The following VSTM4 variants were observed in gnomAD, a reference collection of about 807,000 sequenced individuals.
The protein encoded by VSTM4 is V-set and transmembrane domain-containing protein 4.
VSTM4 carries 20 observed loss-of-function variants against 36.4 expected under a neutral mutation model. The observed-to-expected ratio is 0.55, with a 90% CI of 0.39 to 0.80. VSTM4 has a LOEUF of 0.80. VSTM4 is among the 30% of genes least tolerant of loss of function. VSTM4 has a pLI of 0.00. For missense variants in VSTM4, 392 were observed against 404.5 expected (o/e 0.97, Z 0.26); for synonymous variants, 182 against 173.9 (o/e 1.05, Z -0.37).
intron 7 of VSTM4, among the ~76,000 whole-genome samples, chr10:49,034,386 T>G (rs1843395784): frequency 6.6e-6 from 1 of 152,226 alleles, no homozygotes; most frequent in South Asian, 2.1e-4. Context: ...TTTGTTAAAT[T>G]CATGTTGCAT....
chr10:49,064,830 T>C, intron 4 of VSTM4, 94 bp from the exon 5 acceptor site: 2 of 1,375,878 alleles, frequency 1.5e-6, no homozygotes, highest in Middle Eastern at 3.7e-4. Context: ...AGCCAGGTGT[T>C]GTTCAGGTAT....
At chr10:49,056,137 G>A (rs1017101206) in intron 5 of VSTM4, among the ~76,000 whole-genome samples, 5 of 152,222 alleles carry the variant, frequency 3.3e-5, no homozygotes, top group Non-Finnish European at 5.9e-5. Context: ...GTGCCCCCAT[G>A]ACCTTTACAA....
chr10:49,099,876 G>GC (rs1165208281), intron 2 of VSTM4, among the ~76,000 whole-genome samples: 2 of 152,084 alleles, frequency 1.3e-5, no homozygotes, highest in Admixed American at 1.3e-4. Flanking sequence ...AAATTAGCTG[G>GC]GTGGTGGCTG....
Position 49,077,324 on chromosome 10 carries a change from G to T in VSTM4, c.529C>A (p.Leu177Ile), listed in dbSNP as rs1844197936. 5.6e-6 allele frequency: 9 copies of T among 1,614,182 alleles called. No homozygotes were observed. Among genetic ancestry groups the T allele is most frequent in the Non-Finnish European group, 7.6e-6 (9 of 1,180,012 alleles). The change falls in exon 4 of 8, where the codon CTC becomes ATC. Residue 177 changes from leucine (L) to isoleucine (I), a missense_variant and splice_region_variant. Coordinates refer to ENST00000332853, the MANE Select transcript of VSTM4 (RefSeq NM_001031746.5). ...CACACGAGGACAGCATACACATAGA[G>T]ATCTGAAAGGCAAGGACAGACACGT... ...TKETWAFFED[L>I]YVYAVLVCCV...
At chr10:49,105,609 G>A (rs1590136659) in intron 2 of VSTM4, among the ~76,000 whole-genome samples, 1 of 152,254 alleles carries the variant, frequency 6.6e-6, no homozygotes, top group East Asian at 1.9e-4. Context: ...TTTGGAGCAA[G>A]TTCCCAAACA....
rs563816877 is a variant in VSTM4, at chr10:49,107,776, C to A, written c.275G>T (p.Arg92Leu). The change falls in exon 2 of 8, where the codon CGC becomes CTC. Residue 92 changes from arginine (R) to leucine (L), a missense_variant. Transcript: ENST00000332853. The stretch of plus-strand genomic sequence containing the variant: ...GCGCAGCCTCCGCCGTTTGGCGCTG[C>A]GGCTGAAATTCCCATAGTACTGCAC... The part of the protein sequence containing the change: ...RVVQYYGNFS[R>L]SAKRRRLRLL... 1.4e-5 allele frequency: 22 copies of A among 1,614,250 alleles called. No individual in the cohort carries two copies. The highest frequency in any genetic ancestry group is 1.7e-5 in the Admixed American group (1 of 60,030).
At chr10:49,105,213 C>G (rs192387208) in intron 2 of VSTM4, among the ~76,000 whole-genome samples, 61 of 117,436 alleles carry the variant, frequency 5.2e-4, no homozygotes, top group South Asian at 1.2e-3. Context: ...GACAGAGAGA[C>G]AGAGAGAGAG....
At chr10:49,108,213 C>T (rs1844826342) in intron 1 of VSTM4, among the ~76,000 whole-genome samples, 1 of 152,170 alleles carries the variant, frequency 6.6e-6, no homozygotes, top group African/African-American at 2.4e-5. Flanking sequence ...ACCACCCTGT[C>T]CATGTGGGAT....
At chr10:49,065,452 G>A (rs924068195) in intron 4 of VSTM4, among the ~76,000 whole-genome samples, 1 of 152,158 alleles carries the variant, frequency 6.6e-6, no homozygotes, top group African/African-American at 2.4e-5. Flanking sequence ...CTCTGGGCTT[G>A]GCCATATGAA....
At chr10:49,025,307 G>A (rs1843243289) in intron 7 of VSTM4, among the ~76,000 whole-genome samples, 1 of 152,162 alleles carries the variant, frequency 6.6e-6, no homozygotes, top group Non-Finnish European at 1.5e-5. Flanking sequence ...TTCCTGAAGG[G>A]GAGATGAGAA....
intron 7 of VSTM4, among the ~76,000 whole-genome samples, chr10:49,020,609 G>A (rs1352199944): frequency 1.3e-4 from 20 of 151,390 alleles, no homozygotes; most frequent in Admixed American, 1.3e-3. Flanking sequence ...TTTAAATACA[G>A]GATAAAATGC....
At chr10:49,108,185 C>T (rs1307444048) in intron 1 of VSTM4, among the ~76,000 whole-genome samples, 190 bp from the exon 2 acceptor site, 1 of 152,210 alleles carries the variant, frequency 6.6e-6, no homozygotes, top group Non-Finnish European at 1.5e-5. Flanking sequence ...TGTGGGCCCC[C>T]ACTGTCTCAT....
intron 3 of VSTM4, among the ~76,000 whole-genome samples, chr10:49,081,377 T>A (rs995242209): frequency 6.6e-6 from 1 of 152,086 alleles, no homozygotes; most frequent in Admixed American, 6.5e-5. Context: ...GAGAGAAAAA[T>A]TGTCTTACAA....
At chr10:49,047,971 C>G (rs140154596) in intron 6 of VSTM4, among the ~76,000 whole-genome samples, 23 of 152,328 alleles carry the variant, frequency 1.5e-4, no homozygotes, top group African/African-American at 5.3e-4. Flanking sequence ...TCCAGAAACA[C>G]CTATCTTCCT....
At position 49,023,565 on chromosome 10, in the gene VSTM4, A is replaced by G. The variant is rs372584304; in HGVS notation, c.838-3790T>C. 9.8e-5 allele frequency among the ~76,000 whole-genome samples: 15 copies of G among 152,346 alleles called. No homozygotes were observed. The South Asian group carries it at 2.7e-3, about 27-fold the overall frequency. ...GCAGTGGTTAAAGCAGGTGGTTGCA[A>G]TGGGGCACAGCCTGACGAGGAGCCT... On this transcript the variant is annotated intron_variant, in intron 7 of 7. Coordinates refer to ENST00000332853, the MANE Select transcript of VSTM4 (RefSeq NM_001031746.5).
At chr10:49,048,785 C>T (rs745679696) in intron 5 of VSTM4, among the ~76,000 whole-genome samples, 24 of 152,260 alleles carry the variant, frequency 1.6e-4, no homozygotes, top group Middle Eastern at 3.4e-3. Context: ...TGATCTTTGG[C>T]CAAGATAAGA....
At chr10:49,023,595 C>A (rs1435118467) in intron 7 of VSTM4, among the ~76,000 whole-genome samples, 2 of 152,210 alleles carry the variant, frequency 1.3e-5, no homozygotes, top group Non-Finnish European at 2.9e-5. Flanking sequence ...GAGCCTGTTG[C>A]AAAGCCTCAC....
rs138336377 is a variant in VSTM4 at position 49,076,887 on chromosome 10, C to T, written c.634+332G>A. ...GAGGAAACCCATGTTCAGAATGGCT[C>T]GGGAACTTGCCCAAAACCTCAGCCT... On this transcript the variant is annotated intron_variant, in intron 4 of 7. Transcript: ENST00000332853. Among the ~76,000 whole-genome samples the T allele has an allele frequency of 7.2e-5, 11 of 152,226 alleles. No homozygotes were observed. The East Asian group carries it at 1.3e-3, about 19-fold the overall frequency.
chr10:49,034,412 G>A (rs1470745994), intron 7 of VSTM4, among the ~76,000 whole-genome samples: 1 of 152,176 alleles, frequency 6.6e-6, no homozygotes, highest in Non-Finnish European at 1.5e-5. Flanking sequence ...GTCGGCAATG[G>A]GCACATATGA....
Sources: gnomAD v4.1 joint callset for allele counts (sites outside exome capture counted in the v4.1 genomes callset) on GRCh38, gnomAD v4.1.1 for gene constraint, MANE v1.5 for transcripts, NCBI Gene and HGNC (gene_info 2026-07-23, HGNC 2026-07-21) for gene names.